Variants in DMD observed in about 807,000 individuals in gnomAD.
The protein encoded by DMD is mutant dystrophin.
Under a neutral mutation model 330.1 loss-of-function variants are expected in DMD, and 63 were observed. The observed-to-expected ratio is 0.19, with a 90% CI of 0.16 to 0.24. DMD has a LOEUF of 0.24. DMD is among the 10% of genes least tolerant of loss of function. The pLI is 1.00. For missense variants in DMD, 3,344 were observed against 2,684.1 expected, an observed-to-expected ratio of 1.25 and a Z score of -5.43; for synonymous variants, 1,223 against 959.8, an observed-to-expected ratio of 1.27 and a Z score of -5.07.
chrX:32,514,475 C>G (rs2045648566), intron 18 of DMD, among the ~76,000 whole-genome samples: 1 of 112,250 alleles, frequency 8.9e-6, no homozygotes, highest in African/African-American at 3.2e-5. Context: ...GGCGCGGTGG[C>G]TCACGCCTGT....
intron 60 of DMD, among the ~76,000 whole-genome samples, chrX:31,382,250 C>T (rs2060217723): frequency 8.9e-6 from 1 of 111,805 alleles, no homozygotes; most frequent in Non-Finnish European, 1.9e-5. Context: ...CCTCAGAATG[C>T]TACAAGGTAC....
chrX:31,513,549 A>T (rs1393638394), intron 55 of DMD, among the ~76,000 whole-genome samples: 1 of 111,876 alleles, frequency 8.9e-6, no homozygotes, highest in East Asian at 2.8e-4. Flanking sequence ...AAATTTTTGG[A>T]TAGTTTTATT....
At chrX:32,467,649 T>TAC (rs1403596615) in intron 23 of DMD, among the ~76,000 whole-genome samples, 298 of 95,941 alleles carry the variant, frequency 3.1e-3, no homozygotes, top group Middle Eastern at 0.021. Context: ...TATATATATA[T>TAC]ACACACATAT....
intron 47 of DMD, 23 bp downstream of exon 47, chrX:31,929,572 CG>C: frequency 8.3e-7 from 1 of 1,207,702 alleles, no homozygotes; most frequent in Non-Finnish European, 1.1e-6. Flanking sequence ...ACACATGTGA[CG>C]GAAGAGATGG....
chrX:33,161,349 T>C (rs780181927), intron 1 of DMD, among the ~76,000 whole-genome samples: 2 of 111,746 alleles, frequency 1.8e-5, no homozygotes, highest in Non-Finnish European at 3.8e-5. Flanking sequence ...AACAGAGAGG[T>C]TAAATAATGT....
chrX:33,155,401 C>T (rs777304706), intron 1 of DMD, among the ~76,000 whole-genome samples: 7 of 109,024 alleles, frequency 6.4e-5, no homozygotes, highest in South Asian at 4.1e-4. Flanking sequence ...CTGCAACCTC[C>T]GCCTCCCAGA....
chrX:32,804,220 C>G (rs1040133976), intron 7 of DMD, among the ~76,000 whole-genome samples: 1 of 112,015 alleles, frequency 8.9e-6, no homozygotes, highest in Non-Finnish European at 1.9e-5. Flanking sequence ...AAGCTGAGAT[C>G]CACTGGCTTG....
chrX:33,128,102 C>A lies in DMD; in HGVS notation c.31+83180G>T, dbSNP rs140077080. On this transcript the variant is annotated intron_variant, in intron 1 of 78. Coordinates refer to ENST00000357033, the MANE Select transcript of DMD (RefSeq NM_004006.3). Reference sequence around the variant, plus strand: ...GCTTCTGAATGCTTGTGGAATTTATCATTCTTCTGAATGGCTGTTGCATTT... The same window carrying A: ...GCTTCTGAATGCTTGTGGAATTTATAATTCTTCTGAATGGCTGTTGCATTT... 3,383 of 1,197,330 alleles carry A rather than the reference C, an allele frequency of 2.8e-3. 70 individuals are homozygous for A. In the African/African-American group the frequency reaches 0.053, roughly 19 times the overall value.
intron 7 of DMD, among the ~76,000 whole-genome samples, chrX:32,706,839 C>A (rs1485231805): frequency 9.0e-6 from 1 of 111,517 alleles, no homozygotes; most frequent in African/African-American, 3.3e-5. Flanking sequence ...GCCTGTAATC[C>A]GAGCACTTTG....
At chrX:31,408,678 C>A (rs2061506550) in intron 60 of DMD, among the ~76,000 whole-genome samples, 1 of 109,764 alleles carries the variant, frequency 9.1e-6, no homozygotes, top group South Asian at 4.0e-4. Flanking sequence ...GGATTACAGG[C>A]GTGAGCCACT....
intron 57 of DMD, among the ~76,000 whole-genome samples, chrX:31,491,785 T>C (rs1157861635): frequency 1.3e-4 from 15 of 111,865 alleles, no homozygotes; most frequent in Non-Finnish European, 1.9e-5. Flanking sequence ...GCAATTGATA[T>C]TGACTGTATA....
chrX:32,823,434 C>A, intron 4 of DMD, 47 bp from the exon 5 acceptor site: 1 of 835,939 alleles, frequency 1.2e-6, no homozygotes, highest in South Asian at 2.1e-5. Context: ...GACCAAATGC[C>A]TAGTTGCAAT....
At chrX:31,566,700 T>C (rs1056588634) in intron 55 of DMD, among the ~76,000 whole-genome samples, 23 of 111,748 alleles carry the variant, frequency 2.1e-4, no homozygotes, top group Non-Finnish European at 1.9e-5. Context: ...AACTGACATA[T>C]TTGCTATGCT....
At chrX:32,426,617 C>A (rs2098213975) in intron 29 of DMD, among the ~76,000 whole-genome samples, 1 of 111,220 alleles carries the variant, frequency 9.0e-6, no homozygotes, top group Non-Finnish European at 1.9e-5. Flanking sequence ...GGTGTATAGC[C>A]AAAGGAATAC....
At chrX:32,940,163 T>C (rs144238405) in intron 2 of DMD, among the ~76,000 whole-genome samples, 193 of 111,754 alleles carry the variant, frequency 1.7e-3, no homozygotes, top group African/African-American at 5.9e-3. Flanking sequence ...TGGTATAACG[T>C]TTCAGTTACA....
In DMD at chrX:32,336,270, C is replaced by A. The variant is rs997261771; in HGVS notation, c.5922+5830G>T. 2.7e-5 allele frequency among the ~76,000 whole-genome samples: 3 copies of A among 111,111 alleles called. No individual in the cohort carries two copies. In the Admixed American group the frequency reaches 2.9e-4, roughly 11 times the overall value. On this transcript the variant is annotated intron_variant, in intron 41 of 78. Transcript: ENST00000357033. ...TCCTCAAGTGATCCGCCCACCTCGG[C>A]CTCACAAAGAGCTGGGATTACAGTT...
chrX:32,619,472 A>G (rs2057830532), intron 11 of DMD, among the ~76,000 whole-genome samples: 1 of 112,056 alleles, frequency 8.9e-6, no homozygotes, highest in African/African-American at 3.2e-5. Flanking sequence ...CATAAAAATG[A>G]TAAATATGTA....
intron 44 of DMD, among the ~76,000 whole-genome samples, chrX:32,065,017 C>T (rs771023351): frequency 4.0e-4 from 45 of 111,327 alleles, no homozygotes; most frequent in Non-Finnish European, 5.9e-4. Context: ...TAAGTACCTA[C>T]GAAGCAACCA....
intron 16 of DMD, among the ~76,000 whole-genome samples, chrX:32,553,431 G>A (rs1197900656): frequency 1.9e-5 from 2 of 108,012 alleles, no homozygotes; most frequent in Non-Finnish European, 3.8e-5. Context: ...TAAGAGGAGG[G>A]TGAGGATTAA....
Sources: gnomAD v4.1 joint callset for allele counts (sites outside exome capture counted in the v4.1 genomes callset) on GRCh38, gnomAD v4.1.1 for gene constraint, MANE v1.5 for transcripts, NCBI Gene and HGNC (gene_info 2026-07-23, HGNC 2026-07-21) for gene names.